OR8B2: variants seen among roughly 807,000 people sequenced by gnomAD.
The protein encoded by OR8B2 is olfactory receptor family 8 subfamily B member 2.
For synonymous variants in OR8B2, 98 were observed against 138.2 expected, an observed-to-expected ratio of 0.71 and a Z score of 2.04; for missense variants, 304 against 379.6, an observed-to-expected ratio of 0.80 and a Z score of 1.65.
At position 124,383,335 on chromosome 11, in the gene OR8B2, A is replaced by G. The variant is rs1402328007; in HGVS notation, c.9T>C (p.Ala3=). 5 of 1,584,856 alleles carry G rather than the reference A, an allele frequency of 3.2e-6. No individual in the cohort carries two copies. The change falls in exon 2 of 2, where the codon GCT becomes GCC. Residue 3 remains alanine, a synonymous_variant. Coordinates refer to ENST00000641451, the MANE Select transcript of OR8B2 (RefSeq NM_001005468.2). ...ATTCAGTCACTAAGGAGTTGTTTCT[A>G]GCCAGCATTTTTTGTCTTCAAAAAT... The part of the protein sequence containing the change: ML[A]RNNSLVTEFI...
upstream of OR8B2, among the ~76,000 whole-genome samples, chr11:124,388,336 C>T (rs1383162460): frequency 6.6e-6 from 1 of 151,558 alleles, no homozygotes. Flanking sequence ...CTGTCTTGTG[C>T]CAGTTTTCAA....
chr11:124,393,178 C>T, the OR8B2 span, among the ~76,000 whole-genome samples: 10 of 147,478 alleles, frequency 6.8e-5, no homozygotes, highest in East Asian at 1.5e-3. Flanking sequence ...AAAACCTAGG[C>T]ATTACCATTC....
At chr11:124,396,704 A>G in the OR8B2 span, 1 of 1,613,910 alleles carries the variant, frequency 6.2e-7, no homozygotes, top group Non-Finnish European at 8.5e-7. Flanking sequence ...AAACATAAGA[A>G]ATGAGGATGG....
chr11:124,396,140 C>A, the OR8B2 span: 1 of 337,544 alleles, frequency 3.0e-6, no homozygotes, highest in Non-Finnish European at 5.3e-6. Context: ...AAGAACAGCC[C>A]AGGAGAGAGG....
upstream of OR8B2, among the ~76,000 whole-genome samples, chr11:124,385,367 A>C (rs183368881): frequency 6.6e-6 from 1 of 152,282 alleles, no homozygotes; most frequent in Admixed American, 6.5e-5. Flanking sequence ...TCCCTTGGAC[A>C]CTTCACCCAG....
chr11:124,390,856 T>A, the OR8B2 span, among the ~76,000 whole-genome samples: 1 of 152,110 alleles, frequency 6.6e-6, no homozygotes, highest in South Asian at 2.1e-4. Flanking sequence ...TTCTAGAAGA[T>A]CCATAGTTTA....
At chr11:124,383,672 T>G (rs1210922605) in intron 1 of OR8B2, among the ~76,000 whole-genome samples, 4 of 152,298 alleles carry the variant, frequency 2.6e-5, no homozygotes, top group East Asian at 3.9e-4. Context: ...CTTCCATCTG[T>G]CCCTTCACTT....
At chr11:124,396,915 A>C in the OR8B2 span, 1 of 1,605,860 alleles carries the variant, frequency 6.2e-7, no homozygotes, top group Non-Finnish European at 8.5e-7. Flanking sequence ...GTAAGCAGCA[A>C]AAGTGAGCAT....
the OR8B2 span, among the ~76,000 whole-genome samples, chr11:124,391,642 T>G: frequency 6.6e-6 from 1 of 151,258 alleles, no homozygotes; most frequent in Admixed American, 6.6e-5. Context: ...CCAAAAAGAG[T>G]CCAGGACCAG....
chr11:124,384,269 G>C (rs141161136), intron 1 of OR8B2, 105 bp downstream of exon 1: 3 of 152,120 alleles, frequency 2.0e-5, no homozygotes, highest in African/African-American at 4.8e-5. Context: ...ATGCAAGCCC[G>C]AGAGTCAGAG....
chr11:124,391,370 A>G, the OR8B2 span, among the ~76,000 whole-genome samples: 1 of 152,124 alleles, frequency 6.6e-6, no homozygotes, highest in Admixed American at 6.5e-5. Flanking sequence ...ACCACTAGCA[A>G]GACTAATAAA....
Position 124,382,673 on chromosome 11 carries a change from C to G in OR8B2, c.671G>C (p.Ser224Thr). The G allele has an allele frequency of 1.9e-6, 3 of 1,613,610 alleles. No individual in the cohort carries two copies. The South Asian group carries it at 3.3e-5, about 18-fold the overall frequency. The change falls in exon 2 of 2, where the codon AGC becomes ACC. Residue 224 changes from serine to threonine, a missense_variant. Transcript: ENST00000641451. ...TTGAGTGGATTTGATATGAAGAATG[C>G]TAGTGACAATGAAAACATAAGAAAT... ...ILISYVFIVTSILHIKSTQGR... is the reference protein window; with the variant it reads ...ILISYVFIVTTILHIKSTQGR...
the OR8B2 span, chr11:124,396,956 A>G: frequency 6.2e-7 from 1 of 1,612,910 alleles, no homozygotes; most frequent in Non-Finnish European, 8.5e-7. Context: ...TGGTGACCTT[A>G]TACAGCAATG....
Position 124,382,965 on chromosome 11 carries a change from A to G in OR8B2, c.379T>C (p.Cys127Arg), listed in dbSNP as rs781453491. The G allele has an allele frequency of 6.2e-7, 1 of 1,611,954 alleles. No homozygotes were observed. The highest frequency in any genetic ancestry group is 8.5e-7 in the Non-Finnish European group (1 of 1,178,312). Residue 127 changes from cysteine to arginine, a missense_variant, in exon 2 of 2, where the codon TGT becomes CGT. By Grantham distance (180) the Cys-to-Arg change is radical (BLOSUM62 -3). Transcript: ENST00000641451. ...SMAYDRYVAI[C>R]NPLLYKVTMS... is the part of the protein sequence containing the mutation. Reference sequence around the variant, plus strand: ...GTGACCTTATACAGCAATGGATTACAGATGGCCACATAGCGATCATATGCC... The same window carrying G: ...GTGACCTTATACAGCAATGGATTACGGATGGCCACATAGCGATCATATGCC...
the OR8B2 span, among the ~76,000 whole-genome samples, chr11:124,394,286 A>G: frequency 6.6e-6 from 1 of 151,234 alleles, no homozygotes; most frequent in Non-Finnish European, 1.5e-5. Context: ...TAAATAAATA[A>G]ATAAATAAAA....
chr11:124,383,046 G>A lies in OR8B2; in HGVS notation c.298C>T (p.Arg100Trp), dbSNP rs149509889. ...NIISNVGCMT[R>W]LFFFLFFVIS... ...ACGAAAAAGAGAAAGAAAAACAGCC[G>A]AGTCATGCACCCAACATTGGAGATA... Residue 100 changes from arginine (R) to tryptophan (W), a missense_variant, in exon 2 of 2, where the codon CGG becomes TGG. Physicochemically the swap from Arg to Trp is moderately radical, Grantham distance 101. Coordinates refer to ENST00000641451, the MANE Select transcript of OR8B2 (RefSeq NM_001005468.2). 5.4e-5 allele frequency: 87 copies of A among 1,613,708 alleles called. 1 individual carries two copies. Among genetic ancestry groups the A allele is most frequent in the Non-Finnish European group, 6.4e-5 (75 of 1,179,856 alleles).
At chr11:124,383,824 A>G (rs1234932008) in intron 1 of OR8B2, among the ~76,000 whole-genome samples, 1 of 152,194 alleles carries the variant, frequency 6.6e-6, no homozygotes, top group African/African-American at 2.4e-5. Flanking sequence ...TAGGGTTTCT[A>G]GATACCTTAC....
At chr11:124,386,822 G>A (rs1378255083), upstream of OR8B2, among the ~76,000 whole-genome samples, 7 of 152,070 alleles carry the variant, frequency 4.6e-5, no homozygotes, top group East Asian at 3.9e-4. Flanking sequence ...AGATCCCTGA[G>A]GAATGGCCAC....
At chr11:124,395,693 C>A in the OR8B2 span, 2 of 152,118 alleles carry the variant, frequency 1.3e-5, no homozygotes, top group African/African-American at 2.4e-5. Context: ...AAACAATGGA[C>A]CCACTTATTG....
Sources: allele counts gnomAD v4.1 joint callset (sites outside exome capture counted in the v4.1 genomes callset), GRCh38; gene constraint gnomAD v4.1.1; transcripts MANE v1.5; gene names NCBI Gene and HGNC (gene_info 2026-07-23, HGNC 2026-07-21).